Variants in HHAT observed in about 807,000 individuals in gnomAD.
The protein encoded by HHAT is hedgehog acyltransferase.
A neutral mutation model predicts 70.8 loss-of-function variants in HHAT; 47 were observed. The ratio of observed to expected loss-of-function variants is 0.66; its 90% CI spans 0.53 to 0.85. The LOEUF (loss-of-function observed/expected upper bound fraction) is 0.85. HHAT is among the 40% of genes least tolerant of loss of function. The pLI is 0.00. For missense variants in HHAT, 609 were observed against 604.8 expected (o/e 1.01, Z -0.07); for synonymous variants, 228 against 247.6 (o/e 0.92, Z 0.74).
chr1:210,512,728 A>T (rs7529378), intron 8 of HHAT, among the ~76,000 whole-genome samples: 57,164 of 149,662 alleles, frequency 0.38, 11,559 homozygotes, highest in Non-Finnish European at 0.45. Context: ...ACATATATAT[A>T]TTTTAAGTGA....
intron 1 of HHAT, among the ~76,000 whole-genome samples, chr1:210,342,743 A>C (rs2086145104): frequency 6.6e-6 from 1 of 152,248 alleles, no homozygotes; most frequent in Non-Finnish European, 1.5e-5. Context: ...ATGCTTGTTT[A>C]GAGTATGAGA....
chr1:210,615,500 G>A (rs932468393), intron 10 of HHAT, among the ~76,000 whole-genome samples: 4 of 152,206 alleles, frequency 2.6e-5, no homozygotes, highest in Admixed American at 2.6e-4. Flanking sequence ...TTCCTTTGAA[G>A]GAGGAGAGGC....
intron 9 of HHAT, among the ~76,000 whole-genome samples, chr1:210,581,870 G>A (rs1361773552): frequency 3.9e-5 from 6 of 152,058 alleles, no homozygotes; most frequent in Admixed American, 3.9e-4. Flanking sequence ...AGCAGTAAAT[G>A]GAAATTATGT....
At position 210,434,183 on chromosome 1, in the gene HHAT, T is replaced by C. The variant is rs79979149; in HGVS notation, c.856+15858T>C. 3.6e-3 allele frequency among the ~76,000 whole-genome samples: 555 copies of C among 152,130 alleles called. 4 individuals carry two copies. The highest frequency in any genetic ancestry group is 0.013 in the South Asian group (62 of 4,832). ...GGAATGAAGAAAGTCTGTTTCAGTT[T>C]TGGCAAATGAGTCGTGATTGACTTT... On this transcript the variant is annotated intron_variant, in intron 7 of 11. Transcript: ENST00000261458.
At position 210,631,340 on chromosome 1, in the gene HHAT, C is replaced by T. The variant is rs148554267; in HGVS notation, c.1390+7670C>T. Among the ~76,000 whole-genome samples the T allele has an allele frequency of 1.8e-3, 279 of 152,346 alleles. 1 individual carries two copies. Among genetic ancestry groups the T allele is most frequent in the Admixed American group, 3.1e-3 (47 of 15,304 alleles). On this transcript the variant is annotated intron_variant, in intron 11 of 11. Coordinates refer to ENST00000261458, the MANE Select transcript of HHAT (RefSeq NM_018194.6). ...TTAATTGTTCTGATTCTTAGTACTT[C>T]TCCACTGAGCAAGTTGGGAGGGTGA...
chr1:210,602,720 T>TG (rs143027022), intron 10 of HHAT, among the ~76,000 whole-genome samples: 11,416 of 152,214 alleles, frequency 0.075, 460 homozygotes, highest in African/African-American at 0.12. Flanking sequence ...CCCGGGCCTC[T>TG]GGGTCTGGAA....
intron 7 of HHAT, among the ~76,000 whole-genome samples, chr1:210,438,174 T>TTGTGTGTGTGTG (rs3036615): frequency 3.3e-4 from 50 of 149,470 alleles, no homozygotes; most frequent in African/African-American, 8.7e-4. Context: ...TTCTCCGTGT[T>TTGTGTGTGTGTG]TGTGTGTGTG....
chr1:210,648,425 G>A (rs1472426096), intron 11 of HHAT, among the ~76,000 whole-genome samples: 1 of 152,176 alleles, frequency 6.6e-6, no homozygotes, highest in African/African-American at 2.4e-5. Context: ...ATTTATTGTT[G>A]AGGTCCTTTC....
intron 11 of HHAT, among the ~76,000 whole-genome samples, chr1:210,672,451 TTCC>T (rs1680283796): frequency 6.6e-6 from 1 of 152,242 alleles, no homozygotes; most frequent in African/African-American, 2.4e-5. Flanking sequence ...GCCCTGTCCC[TTCC>T]CATCTGACAA....
At chr1:210,503,891 A>G (rs1012200711) in intron 8 of HHAT, among the ~76,000 whole-genome samples, 1 of 152,244 alleles carries the variant, frequency 6.6e-6, no homozygotes, top group South Asian at 2.1e-4. Context: ...AAAGTAGATC[A>G]TGAACTTTAA....
At position 210,627,907 on chromosome 1, in the gene HHAT, T is replaced by C. The variant is rs566783295; in HGVS notation, c.1390+4237T>C. 1.8e-4 allele frequency among the ~76,000 whole-genome samples: 27 copies of C among 152,332 alleles called. No individual in the cohort carries two copies. In the South Asian group the frequency reaches 5.6e-3, roughly 32 times the overall value. On this transcript the variant is annotated intron_variant, in intron 11 of 11. Transcript: ENST00000261458. ...TGCTGTTCTAGGAGGAATTCTGCTG[T>C]GTCATGCTTTGCAGAGACCAATGCA... is the stretch of plus-strand genomic sequence containing the variant.
intron 9 of HHAT, among the ~76,000 whole-genome samples, chr1:210,520,887 T>C (rs1448699990): frequency 2.6e-5 from 4 of 152,172 alleles, no homozygotes; most frequent in Non-Finnish European, 4.4e-5. Flanking sequence ...CATGTGTGAG[T>C]TCATCAGAGC....
intron 7 of HHAT, among the ~76,000 whole-genome samples, chr1:210,428,228 AT>A (rs2093128542): frequency 7.4e-6 from 1 of 135,978 alleles, no homozygotes; most frequent in Admixed American, 7.7e-5. Context: ...CTTCCACATC[AT>A]TTTTTTCCTA....
At chr1:210,367,264 T>C (rs2148047807) in intron 3 of HHAT, among the ~76,000 whole-genome samples, 1 of 152,398 alleles carries the variant, frequency 6.6e-6, no homozygotes, top group Middle Eastern at 3.4e-3. Context: ...GGCTGGGATT[T>C]AATCATTTCT....
intron 5 of HHAT, among the ~76,000 whole-genome samples, chr1:210,401,935 C>T (rs980762614): frequency 5.3e-5 from 8 of 152,200 alleles, no homozygotes; most frequent in African/African-American, 1.9e-4. Context: ...ACTGGAGTGA[C>T]CTAGCCCTGC....
At chr1:210,507,518 G>A (rs1009262696) in intron 8 of HHAT, among the ~76,000 whole-genome samples, 20 of 151,782 alleles carry the variant, frequency 1.3e-4, no homozygotes, top group East Asian at 5.8e-4. Flanking sequence ...CCAACACCAC[G>A]CCTGGCTAAT....
intron 10 of HHAT, among the ~76,000 whole-genome samples, chr1:210,605,387 C>T (rs1400112493): frequency 6.6e-6 from 1 of 152,200 alleles, no homozygotes; most frequent in Non-Finnish European, 1.5e-5. Flanking sequence ...ACTTAGATCA[C>T]CCCATTCACT....
intron 11 of HHAT, among the ~76,000 whole-genome samples, chr1:210,625,102 A>G (rs565538164): frequency 6.6e-6 from 1 of 152,312 alleles, no homozygotes; most frequent in South Asian, 2.1e-4. Context: ...TTCTACTTTA[A>G]TCTTGTCACT....
rs990100469 is a variant in HHAT at position 210,550,702 on chromosome 1, C to A, written c.1044-37196C>A. Among the ~76,000 whole-genome samples, 4 of 148,976 alleles carry A rather than the reference C, an allele frequency of 2.7e-5. 1 individual carries two copies. Among genetic ancestry groups the A allele is most frequent in the African/African-American group, 9.9e-5 (4 of 40,250 alleles). On this transcript the variant is annotated intron_variant, in intron 9 of 11. Transcript: ENST00000261458. ...TTTTTGTTTTTGAGACAGAGTCTCACTCTGTTGCCCAGGCTGGAGTGCAGT... is the reference window on the plus strand; with the variant it reads ...TTTTTGTTTTTGAGACAGAGTCTCAATCTGTTGCCCAGGCTGGAGTGCAGT...
Sources: allele counts gnomAD v4.1 joint callset (sites outside exome capture counted in the v4.1 genomes callset), GRCh38; gene constraint gnomAD v4.1.1; transcripts MANE v1.5; gene names NCBI Gene and HGNC (gene_info 2026-07-23, HGNC 2026-07-21).